SPARCL1: variants seen among roughly 807,000 people sequenced by gnomAD.
SPARCL1 encodes SPARC like 1.
A neutral mutation model predicts 67.1 loss-of-function variants in SPARCL1; 52 were observed. The ratio of observed to expected loss-of-function variants is 0.78; its 90% CI spans 0.62 to 0.98. The LOEUF (loss-of-function observed/expected upper bound fraction) is 0.98. SPARCL1 is among the 50% of genes least tolerant of loss of function. The probability of loss-of-function intolerance (pLI) is 0.00; values close to 1 mark genes in which losing one functional copy is unlikely to be tolerated. For synonymous variants in SPARCL1, 226 were observed against 267.8 expected (o/e 0.84, Z 1.52); for missense variants, 717 against 782.4 (o/e 0.92, Z 1.00).
chr4:87,517,529 T>G (rs1371111868), intron 1 of SPARCL1, among the ~76,000 whole-genome samples: 1 of 152,206 alleles, frequency 6.6e-6, no homozygotes, highest in Non-Finnish European at 1.5e-5. Context: ...TTTTTCTGCC[T>G]TTAACTCTTC....
intron 7 of SPARCL1, among the ~76,000 whole-genome samples, chr4:87,489,154 AG>A (rs1724200341): frequency 6.6e-6 from 1 of 152,288 alleles, no homozygotes; most frequent in South Asian, 2.1e-4. Context: ...AAACTCCTGT[AG>A]CTAGCTCGGT....
intron 1 of SPARCL1, among the ~76,000 whole-genome samples, chr4:87,510,868 T>C (rs1424499095): frequency 6.6e-6 from 1 of 152,210 alleles, no homozygotes; most frequent in Non-Finnish European, 1.5e-5. Flanking sequence ...AAGAGTATGG[T>C]TACACGCCCT....
intron 7 of SPARCL1, among the ~76,000 whole-genome samples, chr4:87,484,463 C>A (rs901777696): frequency 3.9e-5 from 6 of 152,192 alleles, no homozygotes; most frequent in African/African-American, 1.4e-4. Flanking sequence ...GATACCAGTA[C>A]AATGCTGTTT....
At chr4:87,514,244 G>T (rs1725493894) in intron 1 of SPARCL1, among the ~76,000 whole-genome samples, 1 of 152,138 alleles carries the variant, frequency 6.6e-6, no homozygotes, top group East Asian at 1.9e-4. Context: ...CAGGTAAGAG[G>T]TATGTTCACA....
rs184022994 is a variant in SPARCL1 at position 87,494,970 on chromosome 4, G to A, written c.201+11C>T. 4.4e-6 allele frequency: 7 copies of A among 1,587,810 alleles called. No individual in the cohort carries two copies. The African/African-American group carries it at 9.6e-5, about 22-fold the overall frequency. On this transcript the variant is annotated intron_variant, in intron 3 of 10. Transcript: ENST00000282470. ...AAAAAATTGTATTAATATAAATGAT[G>A]TTACTTTTACCTTATGGTGGGAATC... is the stretch of plus-strand genomic sequence containing the variant.
intron 1 of SPARCL1, among the ~76,000 whole-genome samples, chr4:87,514,428 C>A (rs917786700): frequency 5.9e-5 from 9 of 152,044 alleles, no homozygotes; most frequent in Admixed American, 1.3e-4. Context: ...TTACTGAGTC[C>A]AAAGATGGAA....
chr4:87,493,490 A>G (rs1184024120), intron 4 of SPARCL1, 92 bp downstream of exon 4: 27 of 1,150,200 alleles, frequency 2.3e-5, no homozygotes, highest in Non-Finnish European at 3.2e-5. Context: ...GTAGACATCC[A>G]TACAGGACAC....
At chr4:87,510,760 G>A (rs1725314206) in intron 1 of SPARCL1, among the ~76,000 whole-genome samples, 1 of 152,236 alleles carries the variant, frequency 6.6e-6, no homozygotes, top group Non-Finnish European at 1.5e-5. Context: ...CGGTCGCACT[G>A]GCCCTTTGCC....
intron 2 of SPARCL1, among the ~76,000 whole-genome samples, chr4:87,495,332 G>GA (rs1195170421): frequency 6.6e-6 from 1 of 152,160 alleles, no homozygotes; most frequent in Non-Finnish European, 1.5e-5. Flanking sequence ...TTGTGTTTAA[G>GA]AAAAAGTTAT....
At chr4:87,508,553 C>G (rs1435730722) in intron 1 of SPARCL1, among the ~76,000 whole-genome samples, 2 of 151,854 alleles carry the variant, frequency 1.3e-5, no homozygotes, top group Non-Finnish European at 2.9e-5. Context: ...GGGCAGAACC[C>G]CTTCTGAAAT....
intron 1 of SPARCL1, among the ~76,000 whole-genome samples, chr4:87,506,824 T>TCTACCTAC (rs1359810432): frequency 8.8e-6 from 1 of 113,186 alleles, no homozygotes; most frequent in Non-Finnish European, 2.1e-5. Flanking sequence ...TATCTATCTA[T>TCTACCTAC]CTACCTACCT....
At chr4:87,508,826 A>C (rs1333878351) in intron 1 of SPARCL1, among the ~76,000 whole-genome samples, 1 of 149,120 alleles carries the variant, frequency 6.7e-6, no homozygotes, top group Non-Finnish European at 1.5e-5. Context: ...ATAGATACAT[A>C]TATGTATGTA....
intron 1 of SPARCL1, among the ~76,000 whole-genome samples, chr4:87,508,888 A>G (rs887273599): frequency 7.5e-5 from 5 of 67,038 alleles, no homozygotes; most frequent in Non-Finnish European, 1.3e-4. Context: ...CATGTATATA[A>G]GTATATATAT....
intron 7 of SPARCL1, among the ~76,000 whole-genome samples, chr4:87,484,199 G>A (rs921031017): frequency 6.6e-6 from 1 of 151,974 alleles, no homozygotes; most frequent in African/African-American, 2.4e-5. Context: ...TTTCTTCTAG[G>A]GTTTTTATGG....
intron 1 of SPARCL1, among the ~76,000 whole-genome samples, chr4:87,516,396 T>G (rs908757386): frequency 2.7e-4 from 41 of 152,210 alleles, no homozygotes; most frequent in Non-Finnish European, 1.5e-5. Context: ...AGCACTCAAA[T>G]GTACTCAGTA....
At chr4:87,490,457 C>A in intron 6 of SPARCL1, 64 bp from the exon 7 acceptor site, 1 of 1,541,206 alleles carries the variant, frequency 6.5e-7, no homozygotes, top group South Asian at 1.3e-5. Context: ...ACACTCTGCT[C>A]CTTAAAGCTC....
intron 10 of SPARCL1, 57 bp from the exon 11 acceptor site, chr4:87,473,860 C>G (rs1307902106): frequency 8.3e-7 from 1 of 1,201,512 alleles, no homozygotes; most frequent in African/African-American, 1.5e-5. Flanking sequence ...AGTAGTAGCA[C>G]AAACAATATT....
At chr4:87,520,515 T>A (rs1456418912) in intron 1 of SPARCL1, among the ~76,000 whole-genome samples, 1 of 152,196 alleles carries the variant, frequency 6.6e-6, no homozygotes, top group Non-Finnish European at 1.5e-5. Flanking sequence ...TAGAAGATTA[T>A]GACTTTTGTT....
At chr4:87,475,917 A>G (rs1723565511) in intron 10 of SPARCL1, among the ~76,000 whole-genome samples, 1 of 152,248 alleles carries the variant, frequency 6.6e-6, no homozygotes, top group Non-Finnish European at 1.5e-5. Flanking sequence ...AAAAAGACAC[A>G]TGCACTCATA....
Sources: allele counts gnomAD v4.1 joint callset (sites outside exome capture counted in the v4.1 genomes callset), GRCh38; gene constraint gnomAD v4.1.1; transcripts MANE v1.5; gene names NCBI Gene and HGNC (gene_info 2026-07-23, HGNC 2026-07-21).